ZRSR2: variants seen among roughly 807,000 people sequenced by gnomAD.
ZRSR2 encodes U2 small nuclear ribonucleoprotein auxiliary factor 35 kDa subunit-related protein 2.
ZRSR2 carries 3 observed loss-of-function variants against 39.4 expected under a neutral mutation model. The observed-to-expected ratio is 0.08, with a 90% CI of 0.03 to 0.20. The LOEUF (loss-of-function observed/expected upper bound fraction) is 0.20. Among genes scored for constraint, ZRSR2 ranks in the 10% least tolerant of loss-of-function variants. The pLI, the probability that ZRSR2 is intolerant of heterozygous loss-of-function variation, is 1.00. For missense variants in ZRSR2, 256 were observed against 391.5 expected, an observed-to-expected ratio of 0.65 and a Z score of 2.92; for synonymous variants, 137 against 136.0, an observed-to-expected ratio of 1.01 and a Z score of -0.05.
intron 8 of ZRSR2, among the ~76,000 whole-genome samples, chrX:15,817,394 T>C (rs1932999771): frequency 8.9e-6 from 1 of 111,772 alleles, no homozygotes; most frequent in South Asian, 3.7e-4. Context: ...TGGAACAAAT[T>C]TGTAAAATTA....
At chrX:15,805,526 CAG>C (rs1932771087) in intron 5 of ZRSR2, among the ~76,000 whole-genome samples, 1 of 112,322 alleles carries the variant, frequency 8.9e-6, no homozygotes, top group Non-Finnish European at 1.9e-5. Flanking sequence ...CGGACAGAGA[CAG>C]AGCAGTGAAA....
chrX:15,818,456 C>A, intron 8 of ZRSR2, 131 bp from the exon 9 acceptor site: 1 of 533,910 alleles, frequency 1.9e-6, no homozygotes, highest in Non-Finnish European at 3.0e-6. Context: ...CAAGAGTCAG[C>A]TAGTATCTCT....
chrX:15,803,829 C>G (rs1207329512), intron 4 of ZRSR2, 33 bp downstream of exon 4: 1 of 1,169,459 alleles, frequency 8.6e-7, no homozygotes, highest in African/African-American at 1.8e-5. Context: ...AGTGAACAAA[C>G]TGATTACTTC....
chrX:15,815,346 G>T (rs756034342), intron 7 of ZRSR2, among the ~76,000 whole-genome samples: 1 of 112,412 alleles, frequency 8.9e-6, no homozygotes, highest in Non-Finnish European at 1.9e-5. Flanking sequence ...GCCCAAGCTG[G>T]AGTGCAATGG....
intron 5 of ZRSR2, among the ~76,000 whole-genome samples, chrX:15,807,282 C>T (rs910044438): frequency 2.7e-5 from 3 of 110,742 alleles, no homozygotes; most frequent in South Asian, 3.8e-4. Context: ...TGGGTTTTTT[C>T]GTTTGTTTGT....
chrX:15,799,301 C>T (rs140663644), intron 2 of ZRSR2, among the ~76,000 whole-genome samples: 3,039 of 110,699 alleles, frequency 0.027, 39 homozygotes, highest in Non-Finnish European at 0.044. Context: ...TATACTCTTC[C>T]TAGCAAGCTT....
intron 8 of ZRSR2, among the ~76,000 whole-genome samples, chrX:15,816,184 C>G (rs1316538756): frequency 1.8e-5 from 2 of 112,206 alleles, no homozygotes; most frequent in African/African-American, 6.5e-5. Context: ...CACATGAATT[C>G]TCTGTATCAG....
intron 2 of ZRSR2, among the ~76,000 whole-genome samples, chrX:15,794,970 G>T (rs180709215): frequency 3.3e-4 from 37 of 110,871 alleles, no homozygotes; most frequent in African/African-American, 1.2e-3. Flanking sequence ...ACCTTGCACT[G>T]GTTTGGAAGG....
In ZRSR2 at chrX:15,808,436, A is replaced by G. The variant is rs1373759070; in HGVS notation, c.438+165A>G. 6.3e-5 allele frequency among the ~76,000 whole-genome samples: 7 copies of G among 111,176 alleles called. No individual in the cohort carries two copies. Among genetic ancestry groups the G allele is most frequent in the African/African-American group, 2.3e-4 (7 of 30,509 alleles). Reference sequence around the variant, plus strand: ...TATACAACAACAACAAACTTTATTGATGAACAAATACAAATGGTATTCATG... The same window carrying G: ...TATACAACAACAACAAACTTTATTGGTGAACAAATACAAATGGTATTCATG... On this transcript the variant is annotated intron_variant, in intron 6 of 10. Transcript: ENST00000307771.
chrX:15,813,751 C>G (rs1932919258), intron 7 of ZRSR2, among the ~76,000 whole-genome samples: 1 of 111,843 alleles, frequency 8.9e-6, no homozygotes, highest in African/African-American at 3.2e-5. Context: ...TTAGTGTTGC[C>G]AGTCAGGTTG....
chrX:15,795,178 A>AT (rs2147277732), intron 2 of ZRSR2, among the ~76,000 whole-genome samples: 1 of 102,153 alleles, frequency 9.8e-6, no homozygotes, highest in Admixed American at 1.2e-4. Context: ...ATCTGGACAC[A>AT]TTTTTTTCTC....
chrX:15,805,253 T>C (rs886298737), intron 5 of ZRSR2, among the ~76,000 whole-genome samples: 2 of 111,765 alleles, frequency 1.8e-5, no homozygotes, highest in African/African-American at 6.5e-5. Context: ...GGCAAGTTCA[T>C]GCTAGGTTTT....
At chrX:15,804,278 C>A in intron 5 of ZRSR2, 81 bp downstream of exon 5, 1 of 1,059,784 alleles carries the variant, frequency 9.4e-7, no homozygotes, top group Non-Finnish European at 1.2e-6. Context: ...TTTTTTTTTT[C>A]TCTTTTTCTT....
At chrX:15,794,253 G>C (rs925968071) in intron 2 of ZRSR2, among the ~76,000 whole-genome samples, 4 of 110,646 alleles carry the variant, frequency 3.6e-5, no homozygotes, top group Non-Finnish European at 7.6e-5. Flanking sequence ...TTTGGATTTG[G>C]GGTGCTCAAC....
intron 3 of ZRSR2, among the ~76,000 whole-genome samples, chrX:15,802,569 C>T (rs1932705155): frequency 8.9e-6 from 1 of 111,848 alleles, no homozygotes; most frequent in Admixed American, 9.5e-5. Flanking sequence ...AAGCGATTCT[C>T]CTGCCTCAGC....
chrX:15,794,247 G>A (rs1264129874), intron 2 of ZRSR2, among the ~76,000 whole-genome samples: 2 of 110,773 alleles, frequency 1.8e-5, no homozygotes, highest in African/African-American at 6.6e-5. Flanking sequence ...CTCATTTTTG[G>A]ATTTGGGGTG....
intron 7 of ZRSR2, among the ~76,000 whole-genome samples, chrX:15,811,677 C>T (rs893674871): frequency 2.7e-5 from 3 of 111,919 alleles, no homozygotes; most frequent in Non-Finnish European, 3.8e-5. Context: ...CCACGTGCCT[C>T]GGCCTCCCAA....
At chrX:15,818,677 G>A (rs1380256554) in intron 9 of ZRSR2, 35 bp downstream of exon 9, 2 of 1,105,862 alleles carry the variant, frequency 1.8e-6, no homozygotes, top group Admixed American at 4.7e-5. Context: ...TTCCTGATTT[G>A]TCACAGTTTG....
chrX:15,790,503 C>T lies in ZRSR2; in HGVS notation c.8C>T (p.Ala3Val). MA[A>V]PEKMTFPEKP... ...CGGGGCGGTGCCGGCAAGATGGCTG[C>T]GCCCGAGAAGATGACGTTTCCCGAG... Residue 3 changes from alanine to valine, a missense_variant, in exon 1 of 11, where the codon GCG becomes GTG. Physicochemically the swap from Ala to Val is moderately conservative, Grantham distance 64 (BLOSUM62 0). Around this residue, in one of 3 missense-constraint regions of ZRSR2, gnomAD observed 87 missense variants for 111.7 expected, o/e 0.78. Coordinates refer to ENST00000307771, the MANE Select transcript of ZRSR2 (RefSeq NM_005089.4). 8.6e-7 allele frequency: 1 copy of T among 1,159,132 alleles called. No individual in the cohort carries two copies. Among genetic ancestry groups the T allele is most frequent in the Non-Finnish European group, 1.1e-6 (1 of 870,641 alleles).
Sources: gnomAD v4.1 joint callset for allele counts (sites outside exome capture counted in the v4.1 genomes callset) on GRCh38, gnomAD v4.1.1 for gene constraint, gnomAD v4.1.1 regional missense constraint, MANE v1.5 for transcripts, NCBI Gene and HGNC (gene_info 2026-07-23, HGNC 2026-07-21) for gene names.